The following TRIM2 variants were observed in gnomAD, a reference collection of about 807,000 sequenced individuals.
The protein encoded by TRIM2 is tripartite motif-containing protein 2.
A neutral mutation model predicts 75.2 loss-of-function variants in TRIM2; 20 were observed. The ratio of observed to expected loss-of-function variants is 0.27; its 90% CI spans 0.19 to 0.39. TRIM2 has a LOEUF of 0.39. TRIM2 is among the 10% of genes least tolerant of loss of function. The probability of loss-of-function intolerance (pLI) is 1.00; values close to 1 mark genes in which losing one functional copy is unlikely to be tolerated. For synonymous variants in TRIM2, 373 were observed against 388.3 expected, an observed-to-expected ratio of 0.96 and a Z score of 0.46; for missense variants, 660 against 990.8, an observed-to-expected ratio of 0.67 and a Z score of 4.48.
intron 1 of TRIM2, among the ~76,000 whole-genome samples, chr4:153,166,541 C>CCTTCCTTCCTTT (rs1393954866): frequency 1.1e-4 from 16 of 141,528 alleles, no homozygotes; most frequent in African/African-American, 3.1e-4. Context: ...TTCCTTTTCT[C>CCTTCCTTCCTTT]TCTCTCTCTT....
At chr4:153,294,530 C>G (rs776542906) in intron 5 of TRIM2, 45 bp downstream of exon 5, 11 of 1,590,156 alleles carry the variant, frequency 6.9e-6, no homozygotes, top group Middle Eastern at 3.3e-4. Flanking sequence ...GACATGATAT[C>G]CAAGGGCACT....
chr4:153,257,642 TTCCC>T, intron 1 of TRIM2: 2 of 1,246,860 alleles, frequency 1.6e-6, no homozygotes, highest in Middle Eastern at 2.2e-4. Flanking sequence ...TGCATGGTGC[TTCCC>T]AACTTGAAGT....
At chr4:153,236,367 C>T (rs974137099) in intron 1 of TRIM2, among the ~76,000 whole-genome samples, 8 of 152,118 alleles carry the variant, frequency 5.3e-5, no homozygotes, top group African/African-American at 1.4e-4. Context: ...AGGCTCCTTA[C>T]TCCCTCACTG....
At chr4:153,281,690 T>C (rs938585881) in intron 3 of TRIM2, among the ~76,000 whole-genome samples, 3 of 152,248 alleles carry the variant, frequency 2.0e-5, no homozygotes, top group African/African-American at 7.2e-5. Context: ...TGAAAGCCTG[T>C]CATCAACTTT....
intron 1 of TRIM2, among the ~76,000 whole-genome samples, chr4:153,186,258 G>A (rs1732585780): frequency 6.6e-6 from 1 of 151,828 alleles, no homozygotes; most frequent in South Asian, 2.1e-4. Flanking sequence ...TTCCTCCTTG[G>A]GTCTCAGTTT....
rs1772702405 is a variant in TRIM2, at chr4:153,338,411, C to G, written c.*3445C>G. 1.0e-6 allele frequency: 1 copy of G among 985,538 alleles called. No homozygotes were observed. The highest frequency in any genetic ancestry group is 1.7e-5 in the African/African-American group (1 of 57,204). The allele number at this position is 985,538 out of a possible 1,614,324, so 61.0% of individuals were successfully genotyped here. ...GTTTGACAATTTAATAATTTAAAAACAAGACATCTCCAGGTAGGAAAAAAT... is the reference window on the plus strand; with the variant it reads ...GTTTGACAATTTAATAATTTAAAAAGAAGACATCTCCAGGTAGGAAAAAAT... On this transcript the variant is annotated 3_prime_UTR_variant, in exon 12 of 12. Coordinates refer to ENST00000338700, the MANE Select transcript of TRIM2 (RefSeq NM_015271.5).
At position 153,337,771 on chromosome 4, in the gene TRIM2, AC is replaced by A; in HGVS notation, c.*2807del. ...GATTTCTCTTTGTCAAGTGTATAGA[AC>A]CTGTCATACATTCATGATAAGTAGC... On this transcript the variant is annotated 3_prime_UTR_variant, in exon 12 of 12. Coordinates refer to ENST00000338700, the MANE Select transcript of TRIM2 (RefSeq NM_015271.5). 1 of 985,852 alleles carries A rather than the reference AC, an allele frequency of 1.0e-6. No homozygotes were observed. Among genetic ancestry groups the A allele is most frequent in the Non-Finnish European group, 1.2e-6 (1 of 829,936 alleles). The allele number at this position is 985,852 out of a possible 1,614,324, so 61.1% of individuals were successfully genotyped here. A position where few individuals can be genotyped will look rare whatever the true frequency, so the allele number is the denominator to read the frequency against.
chr4:153,313,776 A>G (rs1238081340), intron 6 of TRIM2, among the ~76,000 whole-genome samples: 1 of 151,782 alleles, frequency 6.6e-6, no homozygotes, highest in Non-Finnish European at 1.5e-5. Context: ...AGCTGGGATT[A>G]CAGGCACACA....
chr4:153,250,398 G>T (rs983734056), intron 1 of TRIM2, among the ~76,000 whole-genome samples: 1 of 152,174 alleles, frequency 6.6e-6, no homozygotes, highest in Non-Finnish European at 1.5e-5. Context: ...GGGATTACAG[G>T]CGTGAGCCAC....
chr4:153,260,731 CATCATCATCATCATG>C (rs1354808364), intron 1 of TRIM2, among the ~76,000 whole-genome samples: 8 of 124,424 alleles, frequency 6.4e-5, no homozygotes, highest in East Asian at 2.4e-4. Context: ...CACACATCAT[CATCATCATCATCATG>C]ATCATCATCA....
At position 153,302,915 on chromosome 4, in the gene TRIM2, G is replaced by A. The variant is rs114450441; in HGVS notation, c.1510+6879G>A. ...ATACACAGAAGAATGCTTTGCATAAGTACTTTGCCCATTTGAATAGGATAA... is the reference window on the plus strand; with the variant it reads ...ATACACAGAAGAATGCTTTGCATAAATACTTTGCCCATTTGAATAGGATAA... On this transcript the variant is annotated intron_variant, in intron 6 of 11. Transcript: ENST00000338700. 6.8e-3 allele frequency among the ~76,000 whole-genome samples: 1,029 copies of A among 152,294 alleles called. 12 individuals carry two copies. The highest frequency in any genetic ancestry group is 0.023 in the African/African-American group (970 of 41,560).
chr4:153,186,739 C>T (rs192264453), intron 1 of TRIM2, among the ~76,000 whole-genome samples: 1 of 152,324 alleles, frequency 6.6e-6, no homozygotes, highest in Admixed American at 6.5e-5. Context: ...ATTTGAGCCA[C>T]ACCCTCACCT....
At chr4:153,190,294 G>A (rs1733049713) in intron 1 of TRIM2, among the ~76,000 whole-genome samples, 1 of 152,230 alleles carries the variant, frequency 6.6e-6, no homozygotes, top group Admixed American at 6.5e-5. Context: ...TTAAACAATA[G>A]CCAGATGGAA....
intron 3 of TRIM2, among the ~76,000 whole-genome samples, chr4:153,279,406 G>C (rs1758730996): frequency 6.6e-6 from 1 of 152,032 alleles, no homozygotes; most frequent in Non-Finnish European, 1.5e-5. Flanking sequence ...AATTACATTA[G>C]TAACACATGT....
chr4:153,327,155 A>T (rs72729643), intron 10 of TRIM2, among the ~76,000 whole-genome samples: 9,516 of 152,286 alleles, frequency 0.062, 417 homozygotes, highest in Middle Eastern at 0.13. Context: ...AAAAATTTAA[A>T]TATGGCATCT....
At chr4:153,308,566 G>A in intron 6 of TRIM2, 1 of 699,686 alleles carries the variant, frequency 1.4e-6, no homozygotes, top group South Asian at 1.4e-5. Flanking sequence ...CTGTCTCTGT[G>A]CATTGCTGTG....
chr4:153,164,328 A>G (rs1236530219), intron 1 of TRIM2, among the ~76,000 whole-genome samples: 1 of 152,224 alleles, frequency 6.6e-6, no homozygotes, highest in East Asian at 1.9e-4. Flanking sequence ...CTTAATTTTT[A>G]AAAATAAGAT....
intron 1 of TRIM2, among the ~76,000 whole-genome samples, chr4:153,221,788 G>GAAGGAAGAA (rs1740148025): frequency 9.6e-6 from 1 of 104,376 alleles, no homozygotes; most frequent in Admixed American, 9.6e-5. Context: ...AGAAGAAAAG[G>GAAGGAAGAA]AAGGAAAGAG....
At chr4:153,278,864 A>G (rs368770515) in intron 3 of TRIM2, among the ~76,000 whole-genome samples, 4 of 152,324 alleles carry the variant, frequency 2.6e-5, no homozygotes, top group East Asian at 1.9e-4. Flanking sequence ...TGAGAATGTC[A>G]TGAAATTCAG....
Sources: gnomAD v4.1 joint callset for allele counts (sites outside exome capture counted in the v4.1 genomes callset) on GRCh38, gnomAD v4.1.1 for gene constraint, MANE v1.5 for transcripts, NCBI Gene and HGNC (gene_info 2026-07-23, HGNC 2026-07-21) for gene names.